SNTG2: variants seen among roughly 807,000 people sequenced by gnomAD.
SNTG2 encodes the protein gamma-2-syntrophin.
In SNTG2, 74 loss-of-function variants were observed where a neutral mutation model predicts 70.9. The observed-to-expected ratio is 1.04, with a 90% CI of 0.86 to 1.27. The LOEUF is 1.27. SNTG2 is among the 50% of genes most tolerant of loss of function. The pLI, the probability that SNTG2 is intolerant of heterozygous loss-of-function variation, is 0.00. For synonymous variants in SNTG2, 278 were observed against 273.8 expected (o/e 1.02, Z -0.15); for missense variants, 717 against 690.7 (o/e 1.04, Z -0.43).
At chr2:1,167,944 TGAAGCCTACAAGCCGCCCACAGACGG>T in intron 7 of SNTG2, among the ~76,000 whole-genome samples, 1 of 120,948 alleles carries the variant, frequency 8.3e-6, no homozygotes. Context: ...ACGGCAGAAC[TGAAGCCTACAAGCCGCCCACAGACGG>T]CAGAACTGAA....
Position 1,104,631 on chromosome 2 carries a change from C to T in SNTG2, c.325+6221C>T, listed in dbSNP as rs141679687. Among the ~76,000 whole-genome samples the T allele has an allele frequency of 5.5e-3, 840 of 152,270 alleles. 7 individuals are homozygous for T. The highest frequency in any genetic ancestry group is 0.02 in the African/African-American group (816 of 41,562). ...CTTGTCAGCGTGGCCCAAGCCCTGC[C>T]GTGGGTCCTTTTGTCAGCGTGTGTG... On this transcript the variant is annotated intron_variant, in intron 4 of 16. Coordinates refer to ENST00000308624, the MANE Select transcript of SNTG2 (RefSeq NM_018968.4).
rs11453480 is a variant in SNTG2, at chr2:1,363,129, AC to A, written c.1489-4206del. Among the ~76,000 whole-genome samples, 17 of 140,678 alleles carry A rather than the reference AC, an allele frequency of 1.2e-4. 1 individual carries two copies. Among genetic ancestry groups the A allele is most frequent in the African/African-American group, 4.5e-4 (17 of 37,842 alleles). The allele number at this position is 140,678 out of a possible 152,430, so 92.3% of individuals were successfully genotyped here. A position where few individuals can be genotyped will look rare whatever the true frequency, so the allele number is the denominator to read the frequency against. On this transcript the variant is annotated intron_variant, in intron 16 of 16. Coordinates refer to ENST00000308624, the MANE Select transcript of SNTG2 (RefSeq NM_018968.4). ...CTCCTGTGAAACCCTCACAAAATGG[AC>A]CCCCCCCATGAAAGAGGAACCATGA...
intron 1 of SNTG2, among the ~76,000 whole-genome samples, chr2:977,700 A>G (rs1660953723): frequency 6.6e-6 from 1 of 152,138 alleles, no homozygotes; most frequent in Non-Finnish European, 1.5e-5. Flanking sequence ...GGATGGGATC[A>G]GAGCCTCACT....
chr2:1,033,017 G>T (rs565687673), intron 1 of SNTG2, among the ~76,000 whole-genome samples: 10 of 152,242 alleles, frequency 6.6e-5, no homozygotes, highest in African/African-American at 2.2e-4. Flanking sequence ...AGAGGGGAGA[G>T]ATGTCACACA....
In SNTG2 at chr2:1,259,524, C is replaced by T. The variant is rs140676149; in HGVS notation, c.1077+83C>T. The stretch of plus-strand genomic sequence containing the variant: ...CAGAATGAGAGGATTGTTTGTTCTG[C>T]GTGGTCCATTGAAATAGTAAAATTT... On this transcript the variant is annotated intron_variant, in intron 13 of 16. Transcript: ENST00000308624. The T allele has an allele frequency of 1.5e-3, 1,772 of 1,162,646 alleles. 11 individuals are homozygous for T. In the African/African-American group the frequency reaches 0.019, roughly 13 times the overall value. The allele number at this position is 1,162,646 out of a possible 1,614,324, so 72.0% of individuals were successfully genotyped here. A position where few individuals can be genotyped will look rare whatever the true frequency, so the allele number is the denominator to read the frequency against.
chr2:1,076,902 T>C (rs1663953818), intron 1 of SNTG2, among the ~76,000 whole-genome samples: 1 of 152,210 alleles, frequency 6.6e-6, no homozygotes, highest in Admixed American at 6.5e-5. Flanking sequence ...TTTGAAACCC[T>C]ATTCTGAGTC....
At chr2:1,149,678 T>TTTTTG (rs1669338270) in intron 6 of SNTG2, among the ~76,000 whole-genome samples, 4 of 1,346 alleles carry the variant, frequency 3.0e-3, no homozygotes, top group African/African-American at 3.4e-3. Context: ...TAGCGTTTTT[T>TTTTTG]TTTTTTTTTT....
chr2:1,271,674 G>A (rs2148190749), intron 14 of SNTG2, among the ~76,000 whole-genome samples: 1 of 152,234 alleles, frequency 6.6e-6, no homozygotes, highest in East Asian at 1.9e-4. Flanking sequence ...CCAGTCATAA[G>A]ATGCTTGTGG....
chr2:1,241,489 T>TTAG (rs1345773730), intron 11 of SNTG2, among the ~76,000 whole-genome samples: 2 of 152,186 alleles, frequency 1.3e-5, no homozygotes, highest in Non-Finnish European at 2.9e-5. Context: ...ATTATTATTA[T>TTAG]ACTTTAAGTT....
chr2:1,149,720 C>G (rs1449984080), intron 6 of SNTG2, among the ~76,000 whole-genome samples: 1 of 137,624 alleles, frequency 7.3e-6, no homozygotes, highest in Non-Finnish European at 1.5e-5. Flanking sequence ...TGGAATCTGG[C>G]TCTGTTGCCC....
chr2:1,131,657 C>CT (rs968246217), intron 4 of SNTG2, among the ~76,000 whole-genome samples: 104 of 146,678 alleles, frequency 7.1e-4, no homozygotes, highest in African/African-American at 1.4e-3. Context: ...TTTTTCTTTT[C>CT]TTTTTTTTTT....
At chr2:1,082,778 G>A (rs11127457) in intron 1 of SNTG2, among the ~76,000 whole-genome samples, 115,670 of 151,802 alleles carry the variant, frequency 0.76, 44,660 homozygotes, top group Admixed American at 0.87. Context: ...CCCCCAGGGT[G>A]GCTTTCCCTG....
intron 4 of SNTG2, among the ~76,000 whole-genome samples, chr2:1,133,993 T>C (rs1231518779): frequency 6.6e-6 from 1 of 152,124 alleles, no homozygotes; most frequent in Non-Finnish European, 1.5e-5. Flanking sequence ...AGTTTCTTCC[T>C]TCTGGTGGGT....
intron 1 of SNTG2, among the ~76,000 whole-genome samples, chr2:995,407 G>T (rs1661645320): frequency 6.6e-6 from 1 of 151,982 alleles, no homozygotes; most frequent in Admixed American, 6.6e-5. Flanking sequence ...TGAATTTCTG[G>T]TATAAATCCC....
intron 16 of SNTG2, among the ~76,000 whole-genome samples, chr2:1,350,368 G>A (rs2148305225): frequency 6.6e-6 from 1 of 152,278 alleles, no homozygotes; most frequent in Non-Finnish European, 1.5e-5. Flanking sequence ...ATGGAGGTCT[G>A]GAAGGAGGTT....
At chr2:1,031,671 C>T (rs1338411564) in intron 1 of SNTG2, among the ~76,000 whole-genome samples, 3 of 150,896 alleles carry the variant, frequency 2.0e-5, no homozygotes, top group African/African-American at 7.3e-5. Flanking sequence ...AATGGGATTA[C>T]AGGCACGTCC....
At chr2:1,178,403 A>C (rs959125456) in intron 8 of SNTG2, among the ~76,000 whole-genome samples, 2 of 152,094 alleles carry the variant, frequency 1.3e-5, no homozygotes, top group Non-Finnish European at 2.9e-5. Context: ...GAATGCTTCC[A>C]GTTTTTGCCC....
chr2:1,004,908 A>G (rs181170404), intron 1 of SNTG2, among the ~76,000 whole-genome samples: 1 of 152,314 alleles, frequency 6.6e-6, no homozygotes, highest in East Asian at 1.9e-4. Flanking sequence ...ATAATTATGT[A>G]TAATTGTCAA....
chr2:1,329,315 A>T (rs895972800), intron 16 of SNTG2, among the ~76,000 whole-genome samples: 3 of 152,264 alleles, frequency 2.0e-5, no homozygotes, highest in African/African-American at 7.2e-5. Flanking sequence ...CCAAAATTTT[A>T]AACCAAAGGT....
Sources: gnomAD v4.1 joint callset for allele counts (sites outside exome capture counted in the v4.1 genomes callset) on GRCh38, gnomAD v4.1.1 for gene constraint, MANE v1.5 for transcripts, NCBI Gene and HGNC (gene_info 2026-07-23, HGNC 2026-07-21) for gene names.